The following NMNAT1 variants were observed in gnomAD, a reference collection of about 807,000 sequenced individuals.
NMNAT1 encodes nicotinamide/nicotinic acid mononucleotide adenylyltransferase 1.
Under a neutral mutation model 16.7 loss-of-function variants are expected in NMNAT1, and 11 were observed. The ratio of observed to expected loss-of-function variants is 0.66; its 90% CI spans 0.41 to 1.09. NMNAT1 has a LOEUF of 1.09. NMNAT1 is among the 50% of genes least tolerant of loss of function. NMNAT1 has a pLI of 0.00. For synonymous variants in NMNAT1, 110 were observed against 119.8 expected (o/e 0.92, Z 0.53); for missense variants, 280 against 332.3 (o/e 0.84, Z 1.22).
downstream of NMNAT1, among the ~76,000 whole-genome samples, chr1:9,988,671 T>A (rs998590888): frequency 1.7e-5 from 2 of 120,570 alleles, no homozygotes; most frequent in Admixed American, 1.1e-4. Context: ...GCCACTGCAC[T>A]CCAGCCTGGG....
At chr1:9,981,240 ATT>A (rs747818869) in intron 4 of NMNAT1, 70 bp downstream of exon 4, 4,714 of 1,354,394 alleles carry the variant, frequency 3.5e-3, no homozygotes, top group East Asian at 8.2e-3. Context: ...ACCCCTGTGT[ATT>A]TTTTTTTTTT....
intron 2 of NMNAT1, among the ~76,000 whole-genome samples, chr1:9,972,787 AT>A (rs1641718370): frequency 6.6e-6 from 1 of 152,084 alleles, no homozygotes; most frequent in East Asian, 1.9e-4. Context: ...GAGAGACCTC[AT>A]CTCTACAAAA....
intron 4 of NMNAT1, among the ~76,000 whole-genome samples, chr1:9,982,024 C>T (rs564351860): frequency 3.3e-5 from 5 of 152,208 alleles, no homozygotes; most frequent in African/African-American, 1.2e-4. Flanking sequence ...CCACCACACC[C>T]GGCTAATTTT....
At chr1:9,944,841 C>A (rs1046390315) in intron 1 of NMNAT1, among the ~76,000 whole-genome samples, 7 of 152,126 alleles carry the variant, frequency 4.6e-5, no homozygotes, top group Non-Finnish European at 7.3e-5. Context: ...AATATGAAAC[C>A]ATTTTTCTAG....
chr1:9,943,156 C>T (rs1228538694), upstream of NMNAT1: 1 of 177,464 alleles, frequency 5.6e-6, no homozygotes, highest in Non-Finnish European at 1.2e-5. Flanking sequence ...AAGTCCGGCA[C>T]GTAGGTCCCG....
In NMNAT1 at chr1:9,947,704, C is replaced by T. The variant is rs574147794; in HGVS notation, c.-57+4189C>T. On this transcript the variant is annotated intron_variant, in intron 1 of 4. Transcript: ENST00000377205. ...CTTTTCTTTCTTTCACAGCCCACAT[C>T]CCATCCATTGCAAATCACATTGGCT... The T allele has an allele frequency of 2.6e-5, 4 of 152,336 alleles. No individual in the cohort carries two copies. In the South Asian group the frequency reaches 8.3e-4, roughly 32 times the overall value. 9.4% of individuals were successfully genotyped at this position (152,336 alleles called of 1,614,324 possible).
chr1:9,991,585 G>A, the NMNAT1 span, among the ~76,000 whole-genome samples: 1 of 152,174 alleles, frequency 6.6e-6, no homozygotes, highest in African/African-American at 2.4e-5. Context: ...GTCATAGCCA[G>A]TCAGTCAGTC....
At chr1:9,969,276 G>A (rs1298451114) in intron 1 of NMNAT1, among the ~76,000 whole-genome samples, 1 of 152,102 alleles carries the variant, frequency 6.6e-6, no homozygotes. Context: ...GAGAAATAGA[G>A]ATGATAATCT....
chr1:9,951,175 G>A (rs191876132), intron 1 of NMNAT1: 3 of 151,962 alleles, frequency 2.0e-5, no homozygotes, highest in African/African-American at 4.8e-5. Flanking sequence ...TACTTGCCTC[G>A]AAGGACTGGT....
chr1:9,976,907 CT>C (rs1408272266), intron 3 of NMNAT1, among the ~76,000 whole-genome samples: 1 of 144,640 alleles, frequency 6.9e-6, no homozygotes, highest in Non-Finnish European at 1.5e-5. Context: ...TATTTCTTTT[CT>C]TTTCTTTTTT....
At chr1:9,966,893 TGAA>T (rs1375061652) in intron 1 of NMNAT1, among the ~76,000 whole-genome samples, 2 of 151,974 alleles carry the variant, frequency 1.3e-5, no homozygotes, top group East Asian at 3.9e-4. Context: ...CAGCAAACAA[TGAA>T]GAAGTGCCTT....
At chr1:9,996,884 A>C in the NMNAT1 span, among the ~76,000 whole-genome samples, 1 of 152,222 alleles carries the variant, frequency 6.6e-6, no homozygotes, top group Non-Finnish European at 1.5e-5. Context: ...CTATTTATTG[A>C]GACCATGAGA....
intron 1 of NMNAT1, among the ~76,000 whole-genome samples, chr1:9,952,874 C>G (rs1200518014): frequency 6.6e-6 from 1 of 152,068 alleles, no homozygotes; most frequent in African/African-American, 2.4e-5. Context: ...CGGCTAGAAA[C>G]AGATTCTTGA....
intron 1 of NMNAT1, among the ~76,000 whole-genome samples, chr1:9,949,085 C>CAAG (rs1337405156): frequency 5.3e-5 from 8 of 151,044 alleles, no homozygotes; most frequent in African/African-American, 1.9e-4. Flanking sequence ...GCCTGACCAA[C>CAAG]ATAGTGAAAC....
chr1:9,959,855 GT>G (rs1360416694), intron 1 of NMNAT1, among the ~76,000 whole-genome samples: 2 of 152,160 alleles, frequency 1.3e-5, no homozygotes, highest in African/African-American at 4.8e-5. Flanking sequence ...TTTATCCCCA[GT>G]GAAGGTACTC....
At chr1:9,969,754 AAAAT>A (rs973766540) in intron 1 of NMNAT1, among the ~76,000 whole-genome samples, 134 of 152,314 alleles carry the variant, frequency 8.8e-4, no homozygotes, top group Non-Finnish European at 1.5e-3. Context: ...CTGTCTCAAA[AAAAT>A]AAATAAATAA....
intron 3 of NMNAT1, among the ~76,000 whole-genome samples, chr1:9,980,228 A>C (rs964162289): frequency 6.6e-6 from 1 of 151,514 alleles, no homozygotes; most frequent in Non-Finnish European, 1.5e-5. Context: ...CACCACGCCC[A>C]GTCGAGAAGA....
intron 2 of NMNAT1, among the ~76,000 whole-genome samples, chr1:9,973,423 T>C (rs980281971): frequency 1.3e-5 from 2 of 152,098 alleles, no homozygotes; most frequent in African/African-American, 2.4e-5. Flanking sequence ...AAACAATGCA[T>C]GAGGCTGGGC....
At chr1:9,987,350 T>C (rs1018743131), downstream of NMNAT1, among the ~76,000 whole-genome samples, 3 of 151,854 alleles carry the variant, frequency 2.0e-5, no homozygotes, top group African/African-American at 4.8e-5. Context: ...TTTTAAAAAT[T>C]AGCCAGGCAG....
Sources: allele counts gnomAD v4.1 joint callset (sites outside exome capture counted in the v4.1 genomes callset), GRCh38; gene constraint gnomAD v4.1.1; transcripts MANE v1.5; gene names NCBI Gene and HGNC (gene_info 2026-07-23, HGNC 2026-07-21).